Variants in CDYL2 observed in about 807,000 individuals in gnomAD.
CDYL2 encodes chromodomain Y-like protein 2.
CDYL2 carries 23 observed loss-of-function variants against 49.4 expected under a neutral mutation model. The ratio of observed to expected loss-of-function variants is 0.47; its 90% CI spans 0.34 to 0.66. The LOEUF is 0.66. Ranked by LOEUF, CDYL2 falls within the 30% of genes least tolerant of loss-of-function variation. The probability of loss-of-function intolerance (pLI) is 0.01; values close to 1 mark genes in which losing one functional copy is unlikely to be tolerated. For synonymous variants in CDYL2, 360 were observed against 268.8 expected, an observed-to-expected ratio of 1.34 and a Z score of -3.32; for missense variants, 678 against 656.4, an observed-to-expected ratio of 1.03 and a Z score of -0.36.
chr16:80,670,466 C>T lies in CDYL2; in HGVS notation c.616+14072G>A, dbSNP rs548680184. Among the ~76,000 whole-genome samples the T allele has an allele frequency of 2.6e-5, 4 of 152,278 alleles. No individual in the cohort carries two copies. The East Asian group carries it at 7.7e-4, about 29-fold the overall frequency. Reference sequence around the variant, plus strand: ...TGTAAGTTTCCTGAGGCCTCCACAGCCCTGGGGAACCGTGAGTCAATTAAA... The same window carrying T: ...TGTAAGTTTCCTGAGGCCTCCACAGTCCTGGGGAACCGTGAGTCAATTAAA... On this transcript the variant is annotated intron_variant, in intron 2 of 6. Transcript: ENST00000570137.
chr16:80,600,923 C>T lies in CDYL2; in HGVS notation c.*3465G>A, dbSNP rs1034929628. 1 of 152,152 alleles carries T rather than the reference C, an allele frequency of 6.6e-6. No homozygotes were observed. Among genetic ancestry groups the T allele is most frequent in the Non-Finnish European group, 1.5e-5 (1 of 68,022 alleles). The allele number at this position is 152,152 out of a possible 1,614,324, so 9.4% of individuals were successfully genotyped here. Reference sequence around the variant, plus strand: ...AAGTCTACTGTGATTATTATTTTTCCATCCTTGTACTAAACTTCACATGGG... The same window carrying T: ...AAGTCTACTGTGATTATTATTTTTCTATCCTTGTACTAAACTTCACATGGG... On this transcript the variant is annotated 3_prime_UTR_variant, in exon 7 of 7. Coordinates refer to ENST00000570137, the MANE Select transcript of CDYL2 (RefSeq NM_152342.4).
At chr16:80,759,200 G>C (rs952142276) in intron 1 of CDYL2, among the ~76,000 whole-genome samples, 1 of 133,070 alleles carries the variant, frequency 7.5e-6, no homozygotes, top group African/African-American at 2.9e-5. Context: ...TATATAATTT[G>C]ATATGTTAAT....
chr16:80,685,258 C>G, intron 1 of CDYL2, 129 bp from the exon 2 acceptor site: 1 of 677,036 alleles, frequency 1.5e-6, no homozygotes, highest in Non-Finnish European at 2.5e-6. Context: ...GAGCCACGAG[C>G]CATTCAATGC....
At chr16:80,650,184 C>A (rs965020340) in intron 2 of CDYL2, among the ~76,000 whole-genome samples, 2 of 152,096 alleles carry the variant, frequency 1.3e-5, no homozygotes, top group African/African-American at 4.8e-5. Context: ...AAGAGACAAG[C>A]CACAGAATGG....
chr16:80,763,421 T>C (rs550180555), intron 1 of CDYL2, among the ~76,000 whole-genome samples: 1 of 76,824 alleles, frequency 1.3e-5, no homozygotes, highest in Admixed American at 1.6e-4. Context: ...CTGGCCAACA[T>C]GGTGAAACCC....
At chr16:80,661,362 T>C (rs114984184) in intron 2 of CDYL2, among the ~76,000 whole-genome samples, 3,113 of 152,256 alleles carry the variant, frequency 0.02, 90 homozygotes, top group African/African-American at 0.051. Flanking sequence ...AAATGGAGAC[T>C]CCAAGTGTCA....
chr16:80,741,269 TAAGTA>T (rs1228838980), intron 1 of CDYL2, among the ~76,000 whole-genome samples: 1 of 151,442 alleles, frequency 6.6e-6, no homozygotes, highest in Non-Finnish European at 1.5e-5. Flanking sequence ...GACAACTGGT[TAAGTA>T]AAGGGAAATT....
chr16:80,635,985 C>T (rs13336555), intron 2 of CDYL2, among the ~76,000 whole-genome samples: 9,033 of 152,158 alleles, frequency 0.059, 830 homozygotes, highest in African/African-American at 0.2. Context: ...ATTTAATAAA[C>T]GGTGTCGGGA....
At chr16:80,658,078 G>A (rs1181162676) in intron 2 of CDYL2, among the ~76,000 whole-genome samples, 1 of 150,484 alleles carries the variant, frequency 6.6e-6, no homozygotes, top group Non-Finnish European at 1.5e-5. Flanking sequence ...AAAAAAGATG[G>A]GAAAATAACA....
At chr16:80,732,697 T>C (rs1045204812) in intron 1 of CDYL2, among the ~76,000 whole-genome samples, 28 of 152,222 alleles carry the variant, frequency 1.8e-4, no homozygotes, top group Non-Finnish European at 5.9e-5. Flanking sequence ...TATGAAAACA[T>C]TTACAAGGAA....
intron 1 of CDYL2, among the ~76,000 whole-genome samples, chr16:80,686,219 A>G (rs1363236649): frequency 1.3e-5 from 2 of 152,238 alleles, no homozygotes; most frequent in African/African-American, 4.8e-5. Flanking sequence ...TCCCGTGGAA[A>G]AATACACTCG....
At chr16:80,711,073 G>A (rs1397478981) in intron 1 of CDYL2, among the ~76,000 whole-genome samples, 1 of 152,192 alleles carries the variant, frequency 6.6e-6, no homozygotes, top group African/African-American at 2.4e-5. Context: ...TCACAAACAT[G>A]CAGGGCAAAA....
At chr16:80,787,042 C>T (rs551351241) in intron 1 of CDYL2, among the ~76,000 whole-genome samples, 22 of 151,878 alleles carry the variant, frequency 1.4e-4, no homozygotes, top group Non-Finnish European at 2.5e-4. Context: ...ATATTCTGCA[C>T]ATGTAACCCA....
In CDYL2 at chr16:80,691,550, T is replaced by C. The variant is rs548256958; in HGVS notation, c.25-6421A>G. Among the ~76,000 whole-genome samples the C allele has an allele frequency of 7.9e-4, 120 of 152,274 alleles. 1 individual carries two copies. The highest frequency in any genetic ancestry group is 2.9e-3 in the African/African-American group (120 of 41,542). On this transcript the variant is annotated intron_variant, in intron 1 of 6. Coordinates refer to ENST00000570137, the MANE Select transcript of CDYL2 (RefSeq NM_152342.4). ...AGAGAGACCAACAGGAATTTCCATA[T>C]CCATTCTGCTGGAAAACACTATGCC...
At chr16:80,726,195 T>C (rs1253872798) in intron 1 of CDYL2, among the ~76,000 whole-genome samples, 1 of 152,220 alleles carries the variant, frequency 6.6e-6, no homozygotes, top group Non-Finnish European at 1.5e-5. Context: ...TGCGTACATT[T>C]AAAATTTTCC....
At chr16:80,702,837 C>G (rs143108262) in intron 1 of CDYL2, among the ~76,000 whole-genome samples, 1 of 152,132 alleles carries the variant, frequency 6.6e-6, no homozygotes, top group African/African-American at 2.4e-5. Flanking sequence ...CAGCACTGCA[C>G]GCCAGAAATG....
chr16:80,744,669 GTAA>G, intron 1 of CDYL2, among the ~76,000 whole-genome samples: 1 of 152,148 alleles, frequency 6.6e-6, no homozygotes, highest in Non-Finnish European at 1.5e-5. Flanking sequence ...TTCCAGCTCT[GTAA>G]GACCTACAGT....
intron 1 of CDYL2, among the ~76,000 whole-genome samples, chr16:80,773,403 T>C (rs1336903907): frequency 1.3e-5 from 2 of 152,146 alleles, no homozygotes; most frequent in Non-Finnish European, 2.9e-5. Flanking sequence ...CACATGCCTC[T>C]CAATAAATGA....
chr16:80,793,882 T>C (rs1007624872), intron 1 of CDYL2, among the ~76,000 whole-genome samples: 1 of 152,228 alleles, frequency 6.6e-6, no homozygotes, highest in Non-Finnish European at 1.5e-5. Flanking sequence ...GGCCCAAAGA[T>C]GTCAGCTGCC....
Sources: gnomAD v4.1 joint callset for allele counts (sites outside exome capture counted in the v4.1 genomes callset) on GRCh38, gnomAD v4.1.1 for gene constraint, MANE v1.5 for transcripts, NCBI Gene and HGNC (gene_info 2026-07-23, HGNC 2026-07-21) for gene names.